The following MORN5 variants were observed in gnomAD, a reference collection of about 807,000 sequenced individuals.
MORN5 encodes MORN repeat-containing protein 5.
Under a neutral mutation model 22.1 loss-of-function variants are expected in MORN5, and 21 were observed. The observed-to-expected ratio is 0.95, with a 90% CI of 0.67 to 1.37. MORN5 has a LOEUF of 1.37. Among genes scored for constraint, MORN5 ranks in the 40% most tolerant of loss-of-function variants. The pLI is 0.00. For synonymous variants in MORN5, 73 were observed against 74.0 expected (o/e 0.99, Z 0.07); for missense variants, 211 against 215.1 (o/e 0.98, Z 0.12).
At position 122,189,216 on chromosome 9, in the gene MORN5, T is replaced by C. The variant is rs1396096954; in HGVS notation, c.440-10669T>C. On this transcript the variant is annotated intron_variant, in intron 4 of 4. Transcript: ENST00000373764. ...TCTGGAGGAAAAAAAAAAAAAGATA[T>C]GTATGTTTTGATCAGTGTCACCCAT... Among the ~76,000 whole-genome samples, 3 of 150,864 alleles carry C rather than the reference T, an allele frequency of 2.0e-5. No individual in the cohort carries two copies. In the East Asian group the frequency reaches 5.9e-4, roughly 29 times the overall value.
Sources: gnomAD v4.1 joint callset for allele counts (sites outside exome capture counted in the v4.1 genomes callset) on GRCh38, gnomAD v4.1.1 for gene constraint, MANE v1.5 for transcripts, NCBI Gene and HGNC (gene_info 2026-07-23, HGNC 2026-07-21) for gene names.